The following CYTH1 variants were observed in gnomAD, a reference collection of about 807,000 sequenced individuals.
The protein encoded by CYTH1 is cytohesin 1.
CYTH1 carries 18 observed loss-of-function variants against 61.8 expected under a neutral mutation model. The ratio of observed to expected loss-of-function variants is 0.29; its 90% CI spans 0.20 to 0.43. The LOEUF (loss-of-function observed/expected upper bound fraction) is 0.43, where lower values mean the gene tolerates loss of function less well. CYTH1 is among the 20% of genes least tolerant of loss of function. CYTH1 has a pLI of 1.00. For synonymous variants in CYTH1, 174 were observed against 184.3 expected (o/e 0.94, Z 0.45); for missense variants, 336 against 510.5 (o/e 0.66, Z 3.29).
chr17:78,763,081 C>A (rs376674957), intron 1 of CYTH1, among the ~76,000 whole-genome samples: 2 of 152,246 alleles, frequency 1.3e-5, no homozygotes, highest in South Asian at 4.1e-4. Flanking sequence ...CGGTGGCTCA[C>A]GCCTGTAATC....
intron 2 of CYTH1, 169 bp downstream of exon 2, chr17:78,709,481 G>A (rs2093105184): frequency 1.6e-6 from 1 of 635,800 alleles, no homozygotes; most frequent in Non-Finnish European, 2.7e-6. Flanking sequence ...CATCTCCTCA[G>A]CTGTAGAGGA....
intron 1 of CYTH1, among the ~76,000 whole-genome samples, chr17:78,720,608 C>T (rs893793262): frequency 2.6e-5 from 4 of 152,200 alleles, no homozygotes; most frequent in African/African-American, 7.2e-5. Flanking sequence ...CGTGAGCCAT[C>T]GCACCCAGCC....
intron 1 of CYTH1, among the ~76,000 whole-genome samples, chr17:78,711,255 C>T (rs901999032): frequency 6.8e-6 from 1 of 147,816 alleles, no homozygotes; most frequent in East Asian, 2.0e-4. Context: ...GTACAAGACT[C>T]CATCTCAAAT....
intron 1 of CYTH1, among the ~76,000 whole-genome samples, chr17:78,765,166 G>T (rs2093443533): frequency 6.6e-6 from 1 of 152,094 alleles, no homozygotes; most frequent in Non-Finnish European, 1.5e-5. Context: ...GAGGGGCATG[G>T]GTATCCCTGA....
chr17:78,758,024 T>C (rs1255749270), intron 1 of CYTH1, among the ~76,000 whole-genome samples: 1 of 152,188 alleles, frequency 6.6e-6, no homozygotes, highest in Non-Finnish European at 1.5e-5. Context: ...TCACACTTTC[T>C]GAAAACCCAT....
At chr17:78,768,205 A>G (rs2144742006) in intron 1 of CYTH1, among the ~76,000 whole-genome samples, 1 of 152,194 alleles carries the variant, frequency 6.6e-6, no homozygotes, top group African/African-American at 2.4e-5. Flanking sequence ...TCCATTTACC[A>G]TCTAGTTACC....
intron 1 of CYTH1, among the ~76,000 whole-genome samples, chr17:78,732,158 G>A (rs1217756253): frequency 6.6e-6 from 1 of 152,138 alleles, no homozygotes; most frequent in African/African-American, 2.4e-5. Context: ...GCTGATAAAG[G>A]CTCTTAATGC....
At chr17:78,769,234 A>C (rs1211466523) in intron 1 of CYTH1, among the ~76,000 whole-genome samples, 1 of 151,890 alleles carries the variant, frequency 6.6e-6, no homozygotes, top group East Asian at 1.9e-4. Flanking sequence ...AGTCCTGTGT[A>C]ACAACACATA....
chr17:78,762,961 AAATTTGTGAT>A (rs2093434533), intron 1 of CYTH1, among the ~76,000 whole-genome samples: 1 of 152,232 alleles, frequency 6.6e-6, no homozygotes, highest in Non-Finnish European at 1.5e-5. Context: ...TTAAGCCACT[AAATTTGTGAT>A]AATTTGTTAT....
At chr17:78,694,998 T>A (rs1010557785) in intron 10 of CYTH1, among the ~76,000 whole-genome samples, 2 of 152,082 alleles carry the variant, frequency 1.3e-5, no homozygotes, top group African/African-American at 4.8e-5. Context: ...TCCTCAGGCC[T>A]CCTGTGACCT....
Position 78,698,955 on chromosome 17 carries a change from G to A in CYTH1, c.564C>T (p.Val188=). 1 of 1,610,148 alleles carries A rather than the reference G, an allele frequency of 6.2e-7. No individual in the cohort carries two copies. Among genetic ancestry groups the A allele is most frequent in the South Asian group, 1.1e-5 (1 of 90,126 alleles). Residue 188 remains valine (V), a synonymous_variant, in exon 8 of 14, where the codon GTC becomes GTT. Transcript: ENST00000446868. ...GVFQSTDTCY[V]LSFAIIMLNT... The stretch of plus-strand genomic sequence containing the variant: ...TCAACATGATGATGGCAAAGGAGAG[G>A]ACGTAACAAGTATCTAAAGATGAGA...
chr17:78,676,469 T>C (rs1482518198), intron 13 of CYTH1: 1 of 384,086 alleles, frequency 2.6e-6, no homozygotes, highest in African/African-American at 2.1e-5. Context: ...ACAGCTATAT[T>C]CCAATTCAGA....
At chr17:78,760,384 T>TATATATATATATATACAC (rs751494741) in intron 1 of CYTH1, among the ~76,000 whole-genome samples, 8 of 51,404 alleles carry the variant, frequency 1.6e-4, no homozygotes, top group African/African-American at 6.4e-4. Flanking sequence ...TATATATATA[T>TATATATATATATATACAC]ACACACACAT....
At chr17:78,777,476 T>C (rs1226200132) in intron 1 of CYTH1, among the ~76,000 whole-genome samples, 2 of 152,128 alleles carry the variant, frequency 1.3e-5, no homozygotes, top group East Asian at 1.9e-4. Context: ...TAAAGATATA[T>C]CCCACACAGG....
chr17:78,732,199 C>A (rs1393874741), intron 1 of CYTH1, among the ~76,000 whole-genome samples: 1 of 152,202 alleles, frequency 6.6e-6, no homozygotes, highest in Non-Finnish European at 1.5e-5. Flanking sequence ...ACCTAAGATA[C>A]CTGCCTTTTC....
At chr17:78,773,687 T>C (rs2093480452) in intron 1 of CYTH1, among the ~76,000 whole-genome samples, 1 of 151,974 alleles carries the variant, frequency 6.6e-6, no homozygotes, top group Admixed American at 6.6e-5. Context: ...TAATTCACAA[T>C]TTCTTCTCGT....
At chr17:78,780,502 C>A (rs1253779777) in intron 1 of CYTH1, among the ~76,000 whole-genome samples, 2 of 152,094 alleles carry the variant, frequency 1.3e-5, no homozygotes, top group East Asian at 3.9e-4. Flanking sequence ...CGCAAGAGAG[C>A]TAGACCCTGT....
chr17:78,766,756 G>T (rs1363466661), intron 1 of CYTH1, among the ~76,000 whole-genome samples: 4 of 151,834 alleles, frequency 2.6e-5, no homozygotes, highest in South Asian at 2.1e-4. Flanking sequence ...CTGAGAAAAA[G>T]AAAAAACAAT....
At chr17:78,684,311 G>A (rs2092794625) in intron 11 of CYTH1, among the ~76,000 whole-genome samples, 1 of 152,190 alleles carries the variant, frequency 6.6e-6, no homozygotes, top group South Asian at 2.1e-4. Flanking sequence ...AGAAGAATGA[G>A]AACCACTGAT....
Sources: gnomAD v4.1 joint callset for allele counts (sites outside exome capture counted in the v4.1 genomes callset) on GRCh38, gnomAD v4.1.1 for gene constraint, MANE v1.5 for transcripts, NCBI Gene and HGNC (gene_info 2026-07-23, HGNC 2026-07-21) for gene names.